LRIG1: variants seen among roughly 807,000 people sequenced by gnomAD.
The protein encoded by LRIG1 is leucine rich repeats and immunoglobulin like domains 1, also known as leucine-rich repeats and immunoglobulin-like domains protein 1.
LRIG1 carries 48 observed loss-of-function variants against 99.2 expected under a neutral mutation model. The ratio of observed to expected loss-of-function variants is 0.48; its 90% CI spans 0.38 to 0.62. LRIG1 has a LOEUF of 0.62. Ranked by LOEUF, LRIG1 falls within the 20% of genes least tolerant of loss-of-function variation. The probability of loss-of-function intolerance (pLI) is 0.00; values close to 1 mark genes in which losing one functional copy is unlikely to be tolerated. For synonymous variants in LRIG1, 772 were observed against 596.1 expected (o/e 1.29, Z -4.30); for missense variants, 1,646 against 1,434.4 (o/e 1.15, Z -2.38).
intron 7 of LRIG1, 136 bp downstream of exon 7, chr3:66,409,993 G>GT: frequency 1.1e-6 from 1 of 878,326 alleles, no homozygotes; most frequent in South Asian, 1.8e-5. Flanking sequence ...GGCCTGGCTG[G>GT]TTTGGGAACA....
intron 12 of LRIG1, among the ~76,000 whole-genome samples, chr3:66,393,155 G>A (rs1449861677): frequency 2.6e-5 from 4 of 152,210 alleles, no homozygotes; most frequent in Non-Finnish European, 5.9e-5. Flanking sequence ...GAAAGTAGGA[G>A]ACAGAAGTGG....
rs530754297 is a variant in LRIG1 at position 66,406,375 on chromosome 3, G to A, written c.1079+973C>T. On this transcript the variant is annotated intron_variant, in intron 8 of 18. Coordinates refer to ENST00000273261, the MANE Select transcript of LRIG1 (RefSeq NM_015541.3). ...AAAGTTTTTCTCTCCTTTCTGGCCC[G>A]CTCAGTCTGAATGTTCCCAGCCTTG... The A allele has an allele frequency of 1.9e-5, 19 of 985,378 alleles. No individual in the cohort carries two copies. In the East Asian group the frequency reaches 4.5e-4, roughly 24 times the overall value. 61.0% of individuals were successfully genotyped at this position (985,378 alleles called of 1,614,324 possible).
Position 66,381,412 on chromosome 3 carries a change from T to C in LRIG1, c.2770+67A>G, listed in dbSNP as rs541742965. 2.9e-5 allele frequency: 43 copies of C among 1,506,012 alleles called. No homozygotes were observed. In the East Asian group the frequency reaches 3.0e-4, roughly 10 times the overall value. The allele number at this position is 1,506,012 out of a possible 1,614,324, so 93.3% of individuals were successfully genotyped here. A position where few individuals can be genotyped will look rare whatever the true frequency, so the allele number is the denominator to read the frequency against. ...TAGGAATGTGTCTCCCCCTTTGATGTAGTGACTAGGTCAGCCCAAATTTCC... is the reference window on the plus strand; with the variant it reads ...TAGGAATGTGTCTCCCCCTTTGATGCAGTGACTAGGTCAGCCCAAATTTCC... On this transcript the variant is annotated intron_variant, in intron 17 of 18. Transcript: ENST00000273261.
chr3:66,394,250 G>A, intron 11 of LRIG1, 47 bp from the exon 12 acceptor site: 1 of 1,496,626 alleles, frequency 6.7e-7, no homozygotes, highest in Non-Finnish European at 9.0e-7. Context: ...CCGCAAAGGA[G>A]GGACACTCCC....
chr3:66,409,588 A>G (rs1702398070), intron 7 of LRIG1, among the ~76,000 whole-genome samples: 2 of 152,364 alleles, frequency 1.3e-5, no homozygotes, highest in South Asian at 4.1e-4. Flanking sequence ...ACTGCGGTGC[A>G]AAACAGAGAA....
chr3:66,415,412 C>A (rs567827471), intron 4 of LRIG1, among the ~76,000 whole-genome samples: 1 of 152,164 alleles, frequency 6.6e-6, no homozygotes, highest in Non-Finnish European at 1.5e-5. Flanking sequence ...CTTCTCACCA[C>A]CCAGTGCCCA....
chr3:66,383,058 G>A lies in LRIG1; in HGVS notation c.2415C>T (p.Val805=). ...IFTIAVVSSI[V]LTSLVWVCII... ...TGCACACCCAGACCAGTGACGTCAG[G>A]ACGATGCTGCTCACGACAGCAATGG... Residue 805 remains valine (V), a synonymous_variant, in exon 15 of 19, where the codon GTC becomes GTT. Transcript: ENST00000273261. 2 of 1,614,256 alleles carry A rather than the reference G, an allele frequency of 1.2e-6. No individual in the cohort carries two copies. Among genetic ancestry groups the A allele is most frequent in the Non-Finnish European group, 1.7e-6 (2 of 1,180,038 alleles).
At chr3:66,414,094 T>C (rs1473990849) in intron 5 of LRIG1, among the ~76,000 whole-genome samples, 1 of 152,132 alleles carries the variant, frequency 6.6e-6, no homozygotes, top group Non-Finnish European at 1.5e-5. Flanking sequence ...AACAATTAAA[T>C]TGTTTACAAA....
intron 6 of LRIG1, 123 bp from the exon 7 acceptor site, chr3:66,410,395 C>T (rs76247263): frequency 3.2e-4 from 289 of 913,342 alleles, no homozygotes; most frequent in Admixed American, 4.2e-4. Flanking sequence ...CAGTGCACGA[C>T]AGAACTGTGG....
chr3:66,475,316 C>G (rs1209129468), intron 1 of LRIG1, among the ~76,000 whole-genome samples: 1 of 152,158 alleles, frequency 6.6e-6, no homozygotes, highest in African/African-American at 2.4e-5. Context: ...GAATGACTTG[C>G]GTCTGCATAC....
intron 3 of LRIG1, among the ~76,000 whole-genome samples, chr3:66,432,067 G>A (rs1429032380): frequency 6.6e-6 from 1 of 152,190 alleles, no homozygotes; most frequent in East Asian, 1.9e-4. Flanking sequence ...TGAACTTTGG[G>A]ACCTAATCCT....
In LRIG1 at chr3:66,386,033, G is replaced by A; in HGVS notation, c.1737C>T (p.Ile579=). Residue 579 remains isoleucine (I), a synonymous_variant, in exon 13 of 19, where the codon ATC becomes ATT. Transcript: ENST00000273261. ...FGHEGRYQCV[I]TNHFGSTYSH... is the part of the protein sequence containing the mutation. ...AATAGGTGGAGCCAAAGTGGTTGGT[G>A]ATGACACATTGGTAGCGGCCCTCGT... 1 of 1,614,216 alleles carries A rather than the reference G, an allele frequency of 6.2e-7. No homozygotes were observed. Among genetic ancestry groups the A allele is most frequent in the Non-Finnish European group, 8.5e-7 (1 of 1,180,038 alleles).
At position 66,448,058 on chromosome 3, in the gene LRIG1, G is replaced by A. The variant is rs560719910; in HGVS notation, c.365+3501C>T. Among the ~76,000 whole-genome samples the A allele has an allele frequency of 3.3e-5, 5 of 152,272 alleles. No homozygotes were observed. The South Asian group carries it at 8.3e-4, about 25-fold the overall frequency. ...AGTTCTATGCTTTCTGTTTATTAAGGACAAATGGCTCCGGCATTATCCTCA... is the reference window on the plus strand; with the variant it reads ...AGTTCTATGCTTTCTGTTTATTAAGAACAAATGGCTCCGGCATTATCCTCA... On this transcript the variant is annotated intron_variant, in intron 3 of 18. Coordinates refer to ENST00000273261, the MANE Select transcript of LRIG1 (RefSeq NM_015541.3).
intron 6 of LRIG1, among the ~76,000 whole-genome samples, 172 bp downstream of exon 6, chr3:66,412,699 C>T (rs139575237): frequency 3.4e-4 from 51 of 152,122 alleles, no homozygotes; most frequent in African/African-American, 7.2e-4. Flanking sequence ...CACGTGCACA[C>T]GCGCACGCAC....
At chr3:66,466,363 GCTAA>G (rs1245400980) in intron 1 of LRIG1, among the ~76,000 whole-genome samples, 1 of 152,114 alleles carries the variant, frequency 6.6e-6, no homozygotes, top group African/African-American at 2.4e-5. Flanking sequence ...TCTTTTTAAG[GCTAA>G]CTAATATTCC....
At chr3:66,483,091 T>C (rs1191654419) in intron 1 of LRIG1, among the ~76,000 whole-genome samples, 1 of 151,988 alleles carries the variant, frequency 6.6e-6, no homozygotes, top group East Asian at 1.9e-4. Flanking sequence ...AAGACAGTAA[T>C]CTGCCTAGAC....
intron 2 of LRIG1, among the ~76,000 whole-genome samples, chr3:66,453,162 C>A (rs1301310664): frequency 6.6e-6 from 1 of 152,140 alleles, no homozygotes; most frequent in African/African-American, 2.4e-5. Context: ...TACAAGAGAC[C>A]CCCAGGTTTT....
chr3:66,434,646 C>G (rs185172415), intron 3 of LRIG1, among the ~76,000 whole-genome samples: 1 of 151,506 alleles, frequency 6.6e-6, no homozygotes, highest in East Asian at 1.9e-4. Context: ...TCTGGGGAGG[C>G]TGAGGCATAA....
At chr3:66,405,818 C>A in intron 8 of LRIG1, 1 of 1,157,758 alleles carries the variant, frequency 8.6e-7, no homozygotes, top group Non-Finnish European at 1.1e-6. Context: ...GACTCTGAGC[C>A]AGGGAGGACA....
Sources: gnomAD v4.1 joint callset for allele counts (sites outside exome capture counted in the v4.1 genomes callset) on GRCh38, gnomAD v4.1.1 for gene constraint, MANE v1.5 for transcripts, NCBI Gene and HGNC (gene_info 2026-07-23, HGNC 2026-07-21) for gene names.